ZSWIM6: variants seen among roughly 807,000 people sequenced by gnomAD.
The protein encoded by ZSWIM6 is zinc finger SWIM-type containing 6, also known as zinc finger SWIM domain-containing protein 6.
ZSWIM6 carries 9 observed loss-of-function variants against 113.2 expected under a neutral mutation model. The ratio of observed to expected loss-of-function variants is 0.08; its 90% CI spans 0.05 to 0.14. ZSWIM6 has a LOEUF of 0.14. ZSWIM6 is among the 10% of genes least tolerant of loss of function. The pLI is 1.00. For missense variants in ZSWIM6, 1,162 were observed against 1,552.2 expected (o/e 0.75, Z 4.22); for synonymous variants, 611 against 606.5 (o/e 1.01, Z -0.11).
At chr5:61,496,907 G>T (rs1748332081) in intron 4 of ZSWIM6, among the ~76,000 whole-genome samples, 1 of 152,038 alleles carries the variant, frequency 6.6e-6, no homozygotes, top group Non-Finnish European at 1.5e-5. Context: ...ACCTTTTATT[G>T]CTTCTCATGT....
chr5:61,447,136 G>A lies in ZSWIM6; in HGVS notation c.677-25545G>A, dbSNP rs139378725. Reference sequence around the variant, plus strand: ...GCCCAACCCTGCTTAGAACAGCAGCGTGAAAGCCTGGATACATGGAACTCC... The same window carrying A: ...GCCCAACCCTGCTTAGAACAGCAGCATGAAAGCCTGGATACATGGAACTCC... On this transcript the variant is annotated intron_variant, in intron 1 of 13. Transcript: ENST00000252744. Among the ~76,000 whole-genome samples the A allele has an allele frequency of 1.1e-4, 17 of 152,122 alleles. No homozygotes were observed. In the East Asian group the frequency reaches 1.5e-3, roughly 14 times the overall value.
chr5:61,456,557 G>A (rs1024367024), intron 1 of ZSWIM6, among the ~76,000 whole-genome samples: 1 of 152,204 alleles, frequency 6.6e-6, no homozygotes, highest in Admixed American at 6.5e-5. Flanking sequence ...GGGGAATACA[G>A]CTGCCACAAG....
chr5:61,510,174 A>C (rs1452745546), intron 4 of ZSWIM6, among the ~76,000 whole-genome samples: 1 of 151,594 alleles, frequency 6.6e-6, no homozygotes, highest in African/African-American at 2.4e-5. Context: ...TTCATCAAAA[A>C]CTTCTTCTGC....
At chr5:61,335,801 C>G (rs1451378328) in intron 1 of ZSWIM6, among the ~76,000 whole-genome samples, 2 of 151,972 alleles carry the variant, frequency 1.3e-5, no homozygotes, top group South Asian at 4.1e-4. Flanking sequence ...GAAATTAAAC[C>G]TATTGGTAGT....
intron 5 of ZSWIM6, among the ~76,000 whole-genome samples, 166 bp downstream of exon 5, chr5:61,521,608 A>G (rs369773715): frequency 1.3e-5 from 2 of 152,294 alleles, no homozygotes; most frequent in South Asian, 2.1e-4. Flanking sequence ...GTCTGTGTGT[A>G]TGTTTTAAAT....
At chr5:61,365,050 T>C (rs1745122103) in intron 1 of ZSWIM6, among the ~76,000 whole-genome samples, 1 of 152,110 alleles carries the variant, frequency 6.6e-6, no homozygotes, top group Non-Finnish European at 1.5e-5. Context: ...CATAGCCTTT[T>C]TGAAATGTGA....
chr5:61,359,985 G>A (rs1331969383), intron 1 of ZSWIM6, among the ~76,000 whole-genome samples: 1 of 151,962 alleles, frequency 6.6e-6, no homozygotes, highest in Non-Finnish European at 1.5e-5. Context: ...GGTAATGTTG[G>A]ACCAGAAAAG....
chr5:61,494,534 C>A, intron 4 of ZSWIM6, 124 bp downstream of exon 4: 1 of 1,257,072 alleles, frequency 8.0e-7, no homozygotes, highest in Non-Finnish European at 1.1e-6. Context: ...AACGTGTTGC[C>A]AATATATAGG....
intron 1 of ZSWIM6, among the ~76,000 whole-genome samples, chr5:61,376,986 A>G (rs1745385670): frequency 6.6e-6 from 1 of 151,910 alleles, no homozygotes; most frequent in African/African-American, 2.4e-5. Context: ...CAAGCCTGGT[A>G]TGCTGTGTCT....
intron 2 of ZSWIM6, among the ~76,000 whole-genome samples, chr5:61,474,202 A>G (rs1228554303): frequency 6.6e-6 from 1 of 152,172 alleles, no homozygotes; most frequent in East Asian, 1.9e-4. Flanking sequence ...ACATTGGTTT[A>G]GTTTTATCTA....
At chr5:61,398,337 G>A (rs1745881234) in intron 1 of ZSWIM6, among the ~76,000 whole-genome samples, 2 of 152,156 alleles carry the variant, frequency 1.3e-5, no homozygotes, top group African/African-American at 4.8e-5. Flanking sequence ...CACTCCTTAT[G>A]AGAATCTAAT....
chr5:61,526,145 T>A, intron 6 of ZSWIM6, 105 bp from the exon 7 acceptor site: 1 of 1,439,736 alleles, frequency 6.9e-7, no homozygotes, highest in Non-Finnish European at 9.2e-7. Flanking sequence ...AATGGTTTCT[T>A]GTGTCTTTTT....
At chr5:61,442,077 A>G (rs569710123) in intron 1 of ZSWIM6, among the ~76,000 whole-genome samples, 1 of 152,264 alleles carries the variant, frequency 6.6e-6, no homozygotes. Flanking sequence ...GAGTTGGTCA[A>G]CAGAAAGCAG....
chr5:61,541,004 T>C (rs1218909091), intron 12 of ZSWIM6, among the ~76,000 whole-genome samples: 1 of 141,482 alleles, frequency 7.1e-6, no homozygotes, highest in Non-Finnish European at 1.5e-5. Flanking sequence ...AGTGCAGGGG[T>C]ACAATCTCAG....
intron 1 of ZSWIM6, among the ~76,000 whole-genome samples, chr5:61,471,036 C>T (rs991090228): frequency 7.2e-5 from 11 of 152,166 alleles, no homozygotes; most frequent in African/African-American, 2.7e-4. Context: ...CCATGTGCAC[C>T]ACCCGTTCCA....
intron 1 of ZSWIM6, among the ~76,000 whole-genome samples, chr5:61,334,574 C>T (rs1451163690): frequency 6.6e-6 from 1 of 152,112 alleles, no homozygotes; most frequent in African/African-American, 2.4e-5. Flanking sequence ...TTAATCCTGT[C>T]TGGTTAATTT....
chr5:61,518,460 G>A (rs952760836), intron 4 of ZSWIM6, among the ~76,000 whole-genome samples: 5 of 151,606 alleles, frequency 3.3e-5, no homozygotes, highest in Non-Finnish European at 7.4e-5. Context: ...GTTGTTTCCT[G>A]ACTTTTTAAT....
intron 1 of ZSWIM6, among the ~76,000 whole-genome samples, chr5:61,353,945 AG>A (rs1744843668): frequency 6.6e-6 from 1 of 152,238 alleles, no homozygotes; most frequent in Admixed American, 6.5e-5. Context: ...GCAGCCCTGT[AG>A]ATAGATTCAG....
chr5:61,512,559 G>A (rs1387939371), intron 4 of ZSWIM6, among the ~76,000 whole-genome samples: 1 of 152,096 alleles, frequency 6.6e-6, no homozygotes, highest in Non-Finnish European at 1.5e-5. Context: ...GCCAGAGTCT[G>A]TGCCATTGTA....
Sources: allele counts gnomAD v4.1 joint callset (sites outside exome capture counted in the v4.1 genomes callset), GRCh38; gene constraint gnomAD v4.1.1; transcripts MANE v1.5; gene names NCBI Gene and HGNC (gene_info 2026-07-23, HGNC 2026-07-21).